The following SLC36A4 variants were observed in gnomAD, a reference collection of about 807,000 sequenced individuals.
SLC36A4 encodes neutral amino acid uniporter 4.
In SLC36A4, 49 loss-of-function variants were observed where a neutral mutation model predicts 50.5. The observed-to-expected ratio is 0.97, with a 90% CI of 0.77 to 1.23. The LOEUF is 1.23. Ranked by LOEUF, SLC36A4 falls within the 50% of genes most tolerant of loss-of-function variation. The pLI is 0.00. For synonymous variants in SLC36A4, 207 were observed against 206.5 expected (o/e 1.00, Z -0.02); for missense variants, 611 against 608.4 (o/e 1.00, Z -0.05).
At chr11:93,194,227 A>C (rs1360043265) in intron 1 of SLC36A4, among the ~76,000 whole-genome samples, 1 of 152,054 alleles carries the variant, frequency 6.6e-6, no homozygotes, top group East Asian at 1.9e-4. Context: ...AAATATAAAA[A>C]TAAAAAAAAT....
At chr11:93,167,897 C>A in intron 7 of SLC36A4, 47 bp downstream of exon 7, 2 of 1,307,238 alleles carry the variant, frequency 1.5e-6, no homozygotes, top group South Asian at 1.4e-5. Context: ...CAAAATTTTA[C>A]TTACATAAGA....
At position 93,182,902 on chromosome 11, in the gene SLC36A4, G is replaced by A. The variant is rs1009952798; in HGVS notation, c.271-8C>T. On this transcript the variant is annotated splice_polypyrimidine_tract_variant and splice_region_variant and intron_variant, in intron 3 of 10. Coordinates refer to ENST00000326402, the MANE Select transcript of SLC36A4 (RefSeq NM_152313.4). The stretch of plus-strand genomic sequence containing the variant: ...AAGGCTGATTGGTCCAAGCTGTGGG[G>A]AAAAAAAATTTATAAGGTTTAAATA... The A allele has an allele frequency of 3.1e-6, 5 of 1,590,296 alleles. No homozygotes were observed. Among genetic ancestry groups the A allele is most frequent in the Non-Finnish European group, 4.3e-6 (5 of 1,167,882 alleles).
chr11:93,180,452 C>T (rs551005474), intron 6 of SLC36A4: 23 of 374,920 alleles, frequency 6.1e-5, no homozygotes, highest in Non-Finnish European at 8.1e-5. Context: ...CTGGCTAAAG[C>T]CTTATATAGT....
chr11:93,180,068 T>C (rs2134689262), intron 6 of SLC36A4: 5 of 942,490 alleles, frequency 5.3e-6, no homozygotes, highest in Non-Finnish European at 6.3e-6. Flanking sequence ...CAATCCTATA[T>C]ATTACTATGT....
At chr11:93,187,570 T>G (rs1043941159) in intron 1 of SLC36A4, among the ~76,000 whole-genome samples, 1 of 152,220 alleles carries the variant, frequency 6.6e-6, no homozygotes, top group Admixed American at 6.5e-5. Context: ...ACACATTAAA[T>G]TTTCATTTCA....
chr11:93,159,853 AACCCTAATAT>A, intron 9 of SLC36A4: 1 of 985,358 alleles, frequency 1.0e-6, no homozygotes, highest in Non-Finnish European at 1.2e-6. Flanking sequence ...TTGCAGAAAT[AACCCTAATAT>A]ACTCTGAGAC....
At chr11:93,153,733 T>C (rs1860212357) in intron 10 of SLC36A4, among the ~76,000 whole-genome samples, 1 of 152,012 alleles carries the variant, frequency 6.6e-6, no homozygotes, top group Admixed American at 6.6e-5. Context: ...TAGGTAGTTA[T>C]GAAGAAGTAA....
intron 1 of SLC36A4, among the ~76,000 whole-genome samples, chr11:93,188,733 T>C (rs1289887327): frequency 6.6e-6 from 1 of 152,214 alleles, no homozygotes; most frequent in African/African-American, 2.4e-5. Flanking sequence ...TATATCCTTT[T>C]CTGTTATACT....
At chr11:93,167,901 C>G (rs778511831) in intron 7 of SLC36A4, 43 bp downstream of exon 7, 1 of 1,350,662 alleles carries the variant, frequency 7.4e-7, no homozygotes, top group Non-Finnish European at 1.0e-6. Flanking sequence ...ATTTTACTTA[C>G]ATAAGAAAGA....
chr11:93,175,554 G>A (rs1408038815), intron 6 of SLC36A4, among the ~76,000 whole-genome samples: 2 of 136,794 alleles, frequency 1.5e-5, no homozygotes, highest in Admixed American at 7.6e-5. Context: ...TGTCAATTTT[G>A]GATCTTTCCT....
chr11:93,165,785 C>T (rs534379417), intron 8 of SLC36A4, 133 bp downstream of exon 8: 1 of 545,426 alleles, frequency 1.8e-6, no homozygotes, highest in African/African-American at 1.9e-5. Context: ...TAATCTATCA[C>T]ACCAAATTGG....
chr11:93,158,806 C>T (rs191474955), intron 9 of SLC36A4, among the ~76,000 whole-genome samples: 1 of 152,034 alleles, frequency 6.6e-6, no homozygotes, highest in African/African-American at 2.4e-5. Context: ...AAATGAAGAA[C>T]ATTGAAAGGA....
intron 9 of SLC36A4, chr11:93,160,833 ATAT>A: frequency 1.2e-5 from 10 of 807,454 alleles, no homozygotes; most frequent in Non-Finnish European, 1.5e-5. Flanking sequence ...CCTAGTCAAA[ATAT>A]TATTGTTATT....
intron 1 of SLC36A4, among the ~76,000 whole-genome samples, chr11:93,187,968 T>A (rs968291944): frequency 2.6e-5 from 4 of 152,190 alleles, no homozygotes; most frequent in Non-Finnish European, 5.9e-5. Context: ...CTGACCTCTG[T>A]TTAGACGTTT....
chr11:93,172,459 A>C (rs61920510), intron 6 of SLC36A4, among the ~76,000 whole-genome samples: 35,774 of 148,754 alleles, frequency 0.24, 5,162 homozygotes, highest in East Asian at 0.32. Flanking sequence ...TTTTTTTTTA[A>C]TTATACTTTA....
Position 93,162,570 on chromosome 11 carries a change from A to G in SLC36A4, c.1037+136T>C, listed in dbSNP as rs1448252814. 1.6e-5 allele frequency: 12 copies of G among 746,992 alleles called. No individual in the cohort carries two copies. The Admixed American group carries it at 4.0e-4, about 25-fold the overall frequency. The allele number at this position is 746,992 out of a possible 1,614,324, so 46.3% of individuals were successfully genotyped here. A position where few individuals can be genotyped will look rare whatever the true frequency, so the allele number is the denominator to read the frequency against. The stretch of plus-strand genomic sequence containing the variant: ...GTGATCCGCCCACCTCTGCCTCCCA[A>G]AGTGATGGGATTCCAGGAAATCACA... On this transcript the variant is annotated intron_variant, in intron 9 of 10. Transcript: ENST00000326402.
At chr11:93,171,579 C>G (rs1489840520) in intron 6 of SLC36A4, 1 of 151,988 alleles carries the variant, frequency 6.6e-6, no homozygotes, top group Admixed American at 6.6e-5. Flanking sequence ...ATCATGGTTT[C>G]TAAATATAAA....
Position 93,197,943 on chromosome 11 carries a change from G to A in SLC36A4, c.-111C>T, listed in dbSNP as rs901351016. 8.1e-5 allele frequency: 91 copies of A among 1,125,364 alleles called. No individual in the cohort carries two copies. In the African/African-American group the frequency reaches 1.3e-3, roughly 17 times the overall value. 69.7% of individuals were successfully genotyped at this position (1,125,364 alleles called of 1,614,324 possible). On this transcript the variant is annotated 5_prime_UTR_variant, in exon 1 of 11. Coordinates refer to ENST00000326402, the MANE Select transcript of SLC36A4 (RefSeq NM_152313.4). ...CTGCCCGGAGGGACCCGCGCCTGGTGCCCGCCTCCCTGCCCCGGCGCTCCC... is the reference window on the plus strand; with the variant it reads ...CTGCCCGGAGGGACCCGCGCCTGGTACCCGCCTCCCTGCCCCGGCGCTCCC...
intron 1 of SLC36A4, 186 bp downstream of exon 1, chr11:93,197,592 C>A (rs947253184): frequency 2.2e-5 from 14 of 640,164 alleles, no homozygotes; most frequent in Non-Finnish European, 3.4e-5. Flanking sequence ...CAGGCCTGGG[C>A]TTCGTCTGAC....
Sources: gnomAD v4.1 joint callset for allele counts (sites outside exome capture counted in the v4.1 genomes callset) on GRCh38, gnomAD v4.1.1 for gene constraint, MANE v1.5 for transcripts, NCBI Gene and HGNC (gene_info 2026-07-23, HGNC 2026-07-21) for gene names.